GSE1: variants seen among roughly 807,000 people sequenced by gnomAD.
GSE1 encodes the protein Gse1 coiled-coil protein.
Under a neutral mutation model 112.6 loss-of-function variants are expected in GSE1, and 32 were observed. The observed-to-expected ratio is 0.28, with a 90% CI of 0.21 to 0.38. The LOEUF (loss-of-function observed/expected upper bound fraction) is 0.38, where lower values mean the gene tolerates loss of function less well. Ranked by LOEUF, GSE1 falls within the 10% of genes least tolerant of loss-of-function variation. The pLI is 1.00. For synonymous variants in GSE1, 1,115 were observed against 735.6 expected, an observed-to-expected ratio of 1.52 and a Z score of -8.35; for missense variants, 2,348 against 1,699.2, an observed-to-expected ratio of 1.38 and a Z score of -6.71.
rs1243363870 is a variant in GSE1 at position 85,490,435 on chromosome 16, C to T, written c.2464+132792C>T. ...GTCCGCAGAAGCGCCCATTCCTGCA[C>T]CCCCTTCAGAGGTCTAGATCCTCAA... On this transcript the variant is annotated intron_variant, in intron 2 of 2. Coordinates refer to the GSE1 transcript ENST00000637419. 2.0e-5 allele frequency: 3 copies of T among 152,248 alleles called. No homozygotes were observed. The East Asian group carries it at 5.8e-4, about 29-fold the overall frequency. The allele number at this position is 152,248 out of a possible 1,614,324, so 9.4% of individuals were successfully genotyped here.
intron 1 of GSE1, among the ~76,000 whole-genome samples, chr16:85,302,048 C>T (rs2045541228): frequency 6.6e-6 from 1 of 152,224 alleles, no homozygotes; most frequent in Non-Finnish European, 1.5e-5. Context: ...CCCTCCCCGG[C>T]TGAGCTGCAG....
Position 85,490,991 on chromosome 16 carries a change from C to G in GSE1, c.2464+133348C>G, listed in dbSNP as rs139156265. On this transcript the variant is annotated intron_variant, in intron 2 of 2. Transcript: ENST00000637419. ...CCCCGGGAGCCTCCCCAACGCGGGG[C>G]TGGACTCCACACCCCGATCTCTCCC... is the stretch of plus-strand genomic sequence containing the variant. 2.0e-3 allele frequency among the ~76,000 whole-genome samples: 298 copies of G among 152,270 alleles called. 1 individual carries two copies. Among genetic ancestry groups the G allele is most frequent in the Admixed American group, 3.3e-3 (50 of 15,308 alleles).
At chr16:85,312,212 G>A (rs1038994851) in intron 1 of GSE1, among the ~76,000 whole-genome samples, 1 of 151,698 alleles carries the variant, frequency 6.6e-6, no homozygotes, top group Non-Finnish European at 1.5e-5. Flanking sequence ...TGCGGGGGGG[G>A]GGGGGACACA....
chr16:85,452,069 G>A (rs1186155708), intron 2 of GSE1, among the ~76,000 whole-genome samples: 4 of 151,824 alleles, frequency 2.6e-5, no homozygotes, highest in Non-Finnish European at 5.9e-5. Context: ...TTAGACCATG[G>A]CTGAAGATGC....
Position 85,654,289 on chromosome 16 carries a change from C to T in GSE1, c.438C>T (p.Ser146=). 6.2e-7 allele frequency: 1 copy of T among 1,600,904 alleles called. No homozygotes were observed. Among genetic ancestry groups the T allele is most frequent in the Non-Finnish European group, 8.5e-7 (1 of 1,174,876 alleles). ...CTCTCCTCCCGCAGGATGCCGGCTCCAGGAGCAGCAGTGGAGGTCGGGAAC... is the reference window on the plus strand; with the variant it reads ...CTCTCCTCCCGCAGGATGCCGGCTCTAGGAGCAGCAGTGGAGGTCGGGAAC... ...WRSESRQDAG[S]RSSSGGRERL... The change falls in exon 4 of 16, where the codon TCC becomes TCT. Residue 146 remains serine, a synonymous_variant. Coordinates refer to ENST00000253458, the MANE Select transcript of GSE1 (RefSeq NM_014615.5).
In GSE1 at chr16:85,240,575, G is replaced by T. The variant is rs76118998; in HGVS notation, c.2283+68768G>T. Among the ~76,000 whole-genome samples the T allele has an allele frequency of 7.9e-3, 1,206 of 152,368 alleles. 16 individuals are homozygous for T. The highest frequency in any genetic ancestry group is 0.028 in the African/African-American group (1,169 of 41,586). On this transcript the variant is annotated intron_variant, in intron 1 of 2. Transcript: ENST00000637419. ...TGAGGCTCTCTGAGCCTCACCTGGA[G>T]TGAGGGGAAGATGGTAGTTCCCGCT...
At chr16:85,359,552 G>A (rs891591003) in intron 2 of GSE1, 7 of 375,356 alleles carry the variant, frequency 1.9e-5, no homozygotes, top group African/African-American at 8.4e-5. Context: ...TAGAGGTTTC[G>A]TGGCAACCTC....
chr16:85,549,968 G>C (rs1044573300), intron 2 of GSE1, among the ~76,000 whole-genome samples: 1 of 152,208 alleles, frequency 6.6e-6, no homozygotes, highest in South Asian at 2.1e-4. Flanking sequence ...AGTGCACTAA[G>C]GCCCCATCAG....
intron 1 of GSE1, among the ~76,000 whole-genome samples, chr16:85,217,065 G>C (rs2075316854): frequency 6.6e-6 from 1 of 152,226 alleles, no homozygotes; most frequent in South Asian, 2.1e-4. Context: ...GGCTGCGCCA[G>C]GTAATCCTGA....
intron 1 of GSE1, among the ~76,000 whole-genome samples, chr16:85,294,610 C>CCTCTCTCTCTCT (rs1199580682): frequency 9.6e-5 from 8 of 83,126 alleles, no homozygotes; most frequent in African/African-American, 3.6e-4. Context: ...TGCCAGCACG[C>CCTCTCTCTCTCT]CTCTCACTCT....
At chr16:85,450,408 G>A (rs1476734342) in intron 2 of GSE1, among the ~76,000 whole-genome samples, 3 of 149,870 alleles carry the variant, frequency 2.0e-5, no homozygotes, top group South Asian at 2.1e-4. Flanking sequence ...ATGAGCCACC[G>A]TGCCCAGCCA....
chr16:85,579,226 G>T (rs2046351905), intron 1 of GSE1, among the ~76,000 whole-genome samples: 2 of 152,110 alleles, frequency 1.3e-5, no homozygotes, highest in African/African-American at 4.8e-5. Flanking sequence ...CCCTCTGGGT[G>T]GGGCTTGGGG....
intron 2 of GSE1, among the ~76,000 whole-genome samples, chr16:85,368,569 G>A (rs2047233328): frequency 1.3e-5 from 2 of 152,082 alleles, no homozygotes; most frequent in Non-Finnish European, 2.9e-5. Flanking sequence ...GCTGGGCGTG[G>A]TGGTGCACAC....
At chr16:85,671,426 C>T (rs112958553) in intron 15 of GSE1, among the ~76,000 whole-genome samples, 86 of 100,148 alleles carry the variant, frequency 8.6e-4, no homozygotes, top group Non-Finnish European at 8.9e-4. Flanking sequence ...GGCGACAGAG[C>T]GAGACTCCGT....
intron 14 of GSE1, chr16:85,670,511 G>A (rs1217449521): frequency 6.6e-6 from 1 of 152,172 alleles, no homozygotes; most frequent in Admixed American, 6.5e-5. Context: ...CACTTTCCCT[G>A]TTTTTCATTT....
intron 1 of GSE1, among the ~76,000 whole-genome samples, chr16:85,317,983 G>A (rs751871395): frequency 2.0e-5 from 3 of 152,236 alleles, no homozygotes; most frequent in African/African-American, 7.2e-5. Context: ...TGAAAAGAGA[G>A]GAATTGGCAA....
At chr16:85,669,083 G>A (rs544988474) in intron 14 of GSE1, among the ~76,000 whole-genome samples, 23 of 152,376 alleles carry the variant, frequency 1.5e-4, no homozygotes, top group Non-Finnish European at 2.2e-4. Context: ...GAAGTTGGGC[G>A]TTGCAGCATT....
intron 1 of GSE1, among the ~76,000 whole-genome samples, chr16:85,267,855 G>C (rs1908413552): frequency 6.6e-6 from 1 of 152,216 alleles, no homozygotes; most frequent in Non-Finnish European, 1.5e-5. Flanking sequence ...CATGGAACCA[G>C]ATGCCAGATT....
intron 2 of GSE1, among the ~76,000 whole-genome samples, chr16:85,488,867 G>A (rs1431396365): frequency 6.6e-6 from 1 of 152,106 alleles, no homozygotes; most frequent in African/African-American, 2.4e-5. Context: ...GAGAGGGAAG[G>A]TGAAACAGCA....
Sources: allele counts gnomAD v4.1 joint callset (sites outside exome capture counted in the v4.1 genomes callset), GRCh38; gene constraint gnomAD v4.1.1; transcripts MANE v1.5; gene names NCBI Gene and HGNC (gene_info 2026-07-23, HGNC 2026-07-21).